The following NLRP5 variants were observed in gnomAD, a reference collection of about 807,000 sequenced individuals.
NLRP5 encodes NLR family pyrin domain containing 5.
In NLRP5, 93 loss-of-function variants were observed where a neutral mutation model predicts 113.1. That is an observed-to-expected ratio of 0.82 (90% CI 0.70 to 0.98). The LOEUF (loss-of-function observed/expected upper bound fraction) is 0.98. Ranked by LOEUF, NLRP5 falls within the 50% of genes least tolerant of loss-of-function variation. The pLI is 0.00. For missense variants in NLRP5, 1,808 were observed against 1,514.3 expected (o/e 1.19, Z -3.22); for synonymous variants, 751 against 600.7 (o/e 1.25, Z -3.66).
At chr19:56,035,098 C>G (rs1019983644) in intron 9 of NLRP5, among the ~76,000 whole-genome samples, 2 of 152,118 alleles carry the variant, frequency 1.3e-5, no homozygotes, top group Non-Finnish European at 2.9e-5. Flanking sequence ...GCCACCATGC[C>G]TGGCTAATTC....
Position 56,043,558 on chromosome 19 carries a change from T to C in NLRP5, c.2957+2466T>C, listed in dbSNP as rs1422698487. Among the ~76,000 whole-genome samples the C allele has an allele frequency of 4.6e-3, 149 of 32,654 alleles. 4 individuals carry two copies. Among genetic ancestry groups the C allele is most frequent in the African/African-American group, 0.013 (109 of 8,702 alleles). The allele number at this position is 32,654 out of a possible 152,430, so 21.4% of individuals were successfully genotyped here. A position where few individuals can be genotyped will look rare whatever the true frequency, so the allele number is the denominator to read the frequency against. Reference sequence around the variant, plus strand: ...TCTGCTATTCTTTTTTTTTTTTTTTTTTTTTTTTTTTTTTTTTTTTTTTTT... The same window carrying C: ...TCTGCTATTCTTTTTTTTTTTTTTTCTTTTTTTTTTTTTTTTTTTTTTTTT... On this transcript the variant is annotated intron_variant, in intron 11 of 14. Coordinates refer to ENST00000390649, the MANE Select transcript of NLRP5 (RefSeq NM_153447.4).
chr19:56,019,506 C>T (rs571215746), intron 5 of NLRP5, 108 bp downstream of exon 5: 1 of 1,307,616 alleles, frequency 7.6e-7, no homozygotes, highest in East Asian at 2.4e-5. Flanking sequence ...TGCCTTTCTT[C>T]ATTCTCATTT....
In NLRP5 at chr19:56,028,024, GT is replaced by G; in HGVS notation, c.1793del (p.Leu598Ter). Reference sequence around the variant, plus strand: ...ACTTCTGTGCCGCCTTGTACTACGTGTTAGAGGGCCTGGAAATCGAGCCAGC... The same window carrying G: ...ACTTCTGTGCCGCCTTGTACTACGTGTAGAGGGCCTGGAAATCGAGCCAGC... On this transcript the variant is annotated frameshift_variant, in exon 7 of 15. Coordinates refer to ENST00000390649, the MANE Select transcript of NLRP5 (RefSeq NM_153447.4). LOFTEE classifies it high-confidence loss of function. 6.2e-6 allele frequency: 10 copies of G among 1,614,006 alleles called. No individual in the cohort carries two copies. Among genetic ancestry groups the G allele is most frequent in the Non-Finnish European group, 8.5e-6 (10 of 1,179,890 alleles).
intron 3 of NLRP5, among the ~76,000 whole-genome samples, chr19:56,012,957 G>A (rs763645141): frequency 2.0e-5 from 3 of 152,026 alleles, no homozygotes; most frequent in Non-Finnish European, 4.4e-5. Context: ...ATACAATTCA[G>A]TGTTTTATTG....
intron 7 of NLRP5, among the ~76,000 whole-genome samples, chr19:56,030,714 C>CTTCT (rs1555767859): frequency 1.4e-5 from 1 of 71,350 alleles, no homozygotes; most frequent in Non-Finnish European, 2.3e-5. Context: ...CTTTCTTCTT[C>CTTCT]TTTTTTTTTT....
chr19:56,050,257 G>GT (rs1294369647), intron 11 of NLRP5, among the ~76,000 whole-genome samples, 161 bp from the exon 12 acceptor site: 1 of 147,106 alleles, frequency 6.8e-6, no homozygotes, highest in East Asian at 2.0e-4. Flanking sequence ...TCCAGCCTGG[G>GT]TGACAGAGCA....
chr19:56,003,120 G>A (rs1293741828), intron 1 of NLRP5, among the ~76,000 whole-genome samples: 1 of 151,074 alleles, frequency 6.6e-6, no homozygotes, highest in Non-Finnish European at 1.5e-5. Flanking sequence ...ATACCCTAAG[G>A]ATTATAAATC....
chr19:56,055,534 TG>T lies in NLRP5; in HGVS notation c.3299+1727del, dbSNP rs1369039343. Among the ~76,000 whole-genome samples the T allele has an allele frequency of 2.5e-3, 169 of 68,748 alleles. 8 individuals carry two copies. Among genetic ancestry groups the T allele is most frequent in the Non-Finnish European group, 3.8e-3 (111 of 29,474 alleles). The allele number at this position is 68,748 out of a possible 152,430, so 45.1% of individuals were successfully genotyped here. ...GCTCCATGTTCTATTTTTCTTTCTC[TG>T]TCTTTTTTTTTTTTTTTTTTTTTTT... On this transcript the variant is annotated intron_variant, in intron 13 of 14. Coordinates refer to ENST00000390649, the MANE Select transcript of NLRP5 (RefSeq NM_153447.4).
At chr19:56,058,709 G>T (rs1391247658) in intron 14 of NLRP5, among the ~76,000 whole-genome samples, 1 of 152,140 alleles carries the variant, frequency 6.6e-6, no homozygotes, top group Non-Finnish European at 1.5e-5. Flanking sequence ...ATATGATCCA[G>T]CAATCTTACT....
chr19:56,055,540 T>C (rs1984105041), intron 13 of NLRP5, among the ~76,000 whole-genome samples: 1 of 83,412 alleles, frequency 1.2e-5, no homozygotes, highest in Non-Finnish European at 2.6e-5. Flanking sequence ...TCTCTGTCTT[T>C]TTTTTTTTTT....
chr19:56,032,868 C>T (rs1983176632), intron 8 of NLRP5, 87 bp downstream of exon 8: 1 of 1,319,828 alleles, frequency 7.6e-7, no homozygotes, highest in East Asian at 2.4e-5. Flanking sequence ...CATCTGAAGC[C>T]TTTCAAGTGC....
At position 56,028,370 on chromosome 19, in the gene NLRP5, C is replaced by T; in HGVS notation, c.2137C>T (p.Pro713Ser). The T allele has an allele frequency of 1.2e-6, 2 of 1,613,996 alleles. No homozygotes were observed. The highest frequency in any genetic ancestry group is 2.2e-5 in the South Asian group (2 of 91,082). The change falls in exon 7 of 15, where the codon CCG (proline) becomes TCG (serine). Residue 713 changes from proline (P) to serine (S), a missense_variant. Pro to Ser is a moderately conservative substitution (Grantham distance 74). Transcript: ENST00000390649. Reference sequence around the variant, plus strand: ...AAACAGCTTCCAAGAAGTGTGGCTTCCGATTAACCAGAACCTGGACTTGAT... The same window carrying T: ...AAACAGCTTCCAAGAAGTGTGGCTTTCGATTAACCAGAACCTGGACTTGAT...
intron 11 of NLRP5, among the ~76,000 whole-genome samples, chr19:56,043,668 C>T (rs1231152461): frequency 6.8e-6 from 1 of 147,714 alleles, no homozygotes; most frequent in Admixed American, 6.9e-5. Context: ...TGGGTTCATG[C>T]CATTCTCCTG....
intron 9 of NLRP5, 135 bp downstream of exon 9, chr19:56,033,844 G>A (rs893340811): frequency 1.4e-6 from 1 of 709,732 alleles, no homozygotes; most frequent in African/African-American, 1.8e-5. Context: ...GACGATTGCA[G>A]GAGTTGAGTG....
At chr19:56,056,570 C>T (rs573193655) in intron 13 of NLRP5, among the ~76,000 whole-genome samples, 1 of 152,022 alleles carries the variant, frequency 6.6e-6, no homozygotes, top group South Asian at 2.1e-4. Context: ...AAAACAAAAG[C>T]ATCCCTGCGG....
At chr19:56,043,807 G>A (rs1437375378) in intron 11 of NLRP5, among the ~76,000 whole-genome samples, 2 of 151,584 alleles carry the variant, frequency 1.3e-5, no homozygotes, top group Non-Finnish European at 2.9e-5. Context: ...TCGATCTCCT[G>A]ACCTTGTGAT....
intron 11 of NLRP5, among the ~76,000 whole-genome samples, chr19:56,047,079 G>A (rs1329088203): frequency 6.6e-6 from 1 of 151,840 alleles, no homozygotes; most frequent in Non-Finnish European, 1.5e-5. Flanking sequence ...TTTCAGTGAT[G>A]TCAGTTGTAG....
intron 13 of NLRP5, among the ~76,000 whole-genome samples, chr19:56,055,537 C>CTTTTTTTTTTTTTTTTTTTTT (rs1160965587): frequency 6.5e-5 from 5 of 76,462 alleles, no homozygotes; most frequent in Admixed American, 2.0e-4. Context: ...CTTTCTCTGT[C>CTTTTTTTTTTTTTTTTTTTTT]TTTTTTTTTT....
intron 3 of NLRP5, among the ~76,000 whole-genome samples, chr19:56,011,864 G>A (rs1009423809): frequency 4.0e-5 from 6 of 151,350 alleles, no homozygotes; most frequent in African/African-American, 1.2e-4. Context: ...GCTAATTTTT[G>A]TGTATTTGGT....
Sources: allele counts gnomAD v4.1 joint callset (sites outside exome capture counted in the v4.1 genomes callset), GRCh38; gene constraint gnomAD v4.1.1; transcripts MANE v1.5; gene names NCBI Gene and HGNC (gene_info 2026-07-23, HGNC 2026-07-21).